Variants in KDM4D observed in about 807,000 individuals in gnomAD.
KDM4D encodes lysine-specific demethylase 4D.
For synonymous variants in KDM4D, 254 were observed against 249.1 expected (o/e 1.02, Z -0.19); for missense variants, 427 against 674.8 (o/e 0.63, Z 4.07).
intron 2 of KDM4D, among the ~76,000 whole-genome samples, chr11:94,988,532 T>C (rs1343065049): frequency 6.6e-6 from 1 of 152,166 alleles, no homozygotes; most frequent in Non-Finnish European, 1.5e-5. Flanking sequence ...GAAGTAGATT[T>C]CATGAAGGAT....
In KDM4D at chr11:94,998,659, C is replaced by A; in HGVS notation, c.1287C>A (p.Pro429=). The A allele has an allele frequency of 1.2e-6, 2 of 1,614,230 alleles. No individual in the cohort carries two copies. Among genetic ancestry groups the A allele is most frequent in the Non-Finnish European group, 1.7e-6 (2 of 1,180,042 alleles). ...RAAAVHSSKK[P]SSTPSSTPGP... Reference sequence around the variant, plus strand: ...CTGCTGTCCACAGCTCTAAGAAGCCCAGCTCAACTCCATCATCCACCCCTG... The same window carrying A: ...CTGCTGTCCACAGCTCTAAGAAGCCAAGCTCAACTCCATCATCCACCCCTG... The change falls in exon 3 of 3, where the codon CCC becomes CCA. Residue 429 remains proline, a synonymous_variant. Coordinates refer to ENST00000335080, the MANE Select transcript of KDM4D (RefSeq NM_018039.3). This position sits in a 1 kb window ranked among gnomAD's most constrained non-coding sequence, Gnocchi z 6.7.
At chr11:94,994,846 A>T (rs1429740811) in intron 2 of KDM4D, among the ~76,000 whole-genome samples, 1 of 152,020 alleles carries the variant, frequency 6.6e-6, no homozygotes, top group African/African-American at 2.4e-5. Flanking sequence ...ACAGTAGCTT[A>T]AATTAGGAAA....
At chr11:94,993,646 G>C (rs1165841753) in intron 2 of KDM4D, among the ~76,000 whole-genome samples, 1 of 151,414 alleles carries the variant, frequency 6.6e-6, no homozygotes, top group African/African-American at 2.4e-5. Context: ...ATGTAGAAAA[G>C]AAGTAACGCA....
intron 2 of KDM4D, among the ~76,000 whole-genome samples, chr11:94,984,061 T>C (rs960829806): frequency 1.3e-5 from 2 of 152,118 alleles, no homozygotes; most frequent in East Asian, 1.9e-4. Context: ...GAAAGTGCAA[T>C]AATAAAATAT....
At chr11:94,974,688 G>C (rs1555096771) in intron 1 of KDM4D, among the ~76,000 whole-genome samples, 4 of 152,118 alleles carry the variant, frequency 2.6e-5, no homozygotes, top group African/African-American at 9.7e-5. Context: ...CAAAATCCCG[G>C]AGTGCCTACT....
At chr11:94,989,358 T>C (rs1555098397) in intron 2 of KDM4D, among the ~76,000 whole-genome samples, 4 of 152,192 alleles carry the variant, frequency 2.6e-5, no homozygotes, top group Non-Finnish European at 1.5e-5. Flanking sequence ...GAGTGGTGTG[T>C]CCTTGTAGAT....
At chr11:94,982,588 T>G (rs1346690044) in intron 2 of KDM4D, among the ~76,000 whole-genome samples, 1 of 149,996 alleles carries the variant, frequency 6.7e-6, no homozygotes, top group Non-Finnish European at 1.5e-5. Flanking sequence ...AAAGAAGAGA[T>G]ATAATTTTTA....
At chr11:94,987,466 T>C (rs1857897884) in intron 2 of KDM4D, among the ~76,000 whole-genome samples, 1 of 152,134 alleles carries the variant, frequency 6.6e-6, no homozygotes, top group Non-Finnish European at 1.5e-5. Flanking sequence ...GAGATAAACA[T>C]ATAAATGTAG....
intron 2 of KDM4D, among the ~76,000 whole-genome samples, chr11:94,982,331 C>T (rs1857848314): frequency 6.6e-6 from 1 of 151,786 alleles, no homozygotes. Context: ...ACTGCTTGAT[C>T]AGTAGGGTCC....
At chr11:94,986,381 G>C (rs1555098124) in intron 2 of KDM4D, among the ~76,000 whole-genome samples, 1 of 152,110 alleles carries the variant, frequency 6.6e-6, no homozygotes, top group African/African-American at 2.4e-5. Flanking sequence ...CTTGAGCCCA[G>C]AAGTTCAAGA....
intron 2 of KDM4D, among the ~76,000 whole-genome samples, chr11:94,992,478 A>C (rs1555098799): frequency 6.6e-6 from 1 of 152,128 alleles, no homozygotes; most frequent in Non-Finnish European, 1.5e-5. Context: ...GTCGTTGTCC[A>C]AGAAATGTAA....
intron 2 of KDM4D, among the ~76,000 whole-genome samples, 163 bp downstream of exon 2, chr11:94,975,911 C>T (rs1247949194): frequency 6.6e-6 from 1 of 152,104 alleles, no homozygotes. Context: ...GATTTAACTC[C>T]CAGCCCACTA....
intron 2 of KDM4D, among the ~76,000 whole-genome samples, chr11:94,976,994 C>T (rs1225954162): frequency 2.0e-5 from 3 of 152,094 alleles, no homozygotes; most frequent in Admixed American, 6.5e-5. Flanking sequence ...ATTCTAGATT[C>T]GCAAATAAAT....
intron 2 of KDM4D, among the ~76,000 whole-genome samples, chr11:94,985,402 T>G (rs1857877006): frequency 6.6e-6 from 1 of 152,152 alleles, no homozygotes; most frequent in Non-Finnish European, 1.5e-5. Context: ...ACAAAAGAAG[T>G]GCAAGACATA....
intron 2 of KDM4D, among the ~76,000 whole-genome samples, chr11:94,994,217 T>A (rs1857958746): frequency 6.6e-6 from 1 of 152,194 alleles, no homozygotes. Context: ...CAGTGGTGAC[T>A]ACGATAACAC....
intron 2 of KDM4D, among the ~76,000 whole-genome samples, chr11:94,989,414 G>C (rs587603029): frequency 1.3e-5 from 2 of 152,206 alleles, no homozygotes; most frequent in African/African-American, 4.8e-5. Context: ...TCTGCTGCCA[G>C]ATACCACTGT....
At chr11:94,974,588 A>C (rs782127609) in intron 1 of KDM4D, among the ~76,000 whole-genome samples, 23 of 152,184 alleles carry the variant, frequency 1.5e-4, no homozygotes, top group Non-Finnish European at 2.8e-4. Context: ...GTTCAAGATG[A>C]AAATCCTGAT....
At chr11:94,985,511 T>C (rs587666324) in intron 2 of KDM4D, among the ~76,000 whole-genome samples, 29 of 152,328 alleles carry the variant, frequency 1.9e-4, no homozygotes, top group African/African-American at 5.8e-4. Flanking sequence ...GCTCTACAAA[T>C]TGATCTCCAG....
At position 94,998,106 on chromosome 11, in the gene KDM4D, A is replaced by G; in HGVS notation, c.734A>G (p.Lys245Arg). The G allele has an allele frequency of 1.9e-6, 3 of 1,614,124 alleles. No homozygotes were observed. Among genetic ancestry groups the G allele is most frequent in the Non-Finnish European group, 2.5e-6 (3 of 1,180,034 alleles). ...SRGCGAFLRH[K>R]VALISPTVLK... The stretch of plus-strand genomic sequence containing the variant: ...GGTTGTGGGGCCTTCCTGCGGCACA[A>G]GGTGGCCCTCATCTCGCCTACAGTT... Residue 245 changes from lysine (K) to arginine (R), a missense_variant, in exon 3 of 3, where the codon AAG becomes AGG. By Grantham distance (26) the Lys-to-Arg change is conservative. Transcript: ENST00000335080. The surrounding 1 kb of genome is among the most constrained non-coding windows in gnomAD (Gnocchi z 6.7).
Sources: gnomAD v4.1 joint callset for allele counts (sites outside exome capture counted in the v4.1 genomes callset) on GRCh38, gnomAD v4.1.1 for gene constraint, Gnocchi (gnomAD v3.1) non-coding constraint, MANE v1.5 for transcripts, NCBI Gene and HGNC (gene_info 2026-07-23, HGNC 2026-07-21) for gene names.